The following AP3B1 variants were observed in gnomAD, a reference collection of about 807,000 sequenced individuals.
The protein encoded by AP3B1 is AP-3 complex subunit beta-1.
Under a neutral mutation model 132.5 loss-of-function variants are expected in AP3B1, and 61 were observed. That is an observed-to-expected ratio of 0.46 (90% confidence interval 0.37 to 0.57). AP3B1 has a LOEUF of 0.57. AP3B1 is among the 20% of genes least tolerant of loss of function. AP3B1 has a pLI of 0.00. For synonymous variants in AP3B1, 388 were observed against 438.3 expected (o/e 0.89, Z 1.43); for missense variants, 1,120 against 1,289.4 (o/e 0.87, Z 2.01).
At chr5:78,014,441 A>G (rs72774594) in intron 26 of AP3B1, among the ~76,000 whole-genome samples, 23,629 of 152,202 alleles carry the variant, frequency 0.16, 2,314 homozygotes, top group Admixed American at 0.26. Flanking sequence ...TGTAAAGCAC[A>G]TAAGAAGTTA....
At chr5:78,228,361 T>G (rs1273172034) in intron 3 of AP3B1, 122 bp from the exon 4 acceptor site, 1 of 652,184 alleles carries the variant, frequency 1.5e-6, no homozygotes, top group Non-Finnish European at 2.6e-6. Flanking sequence ...CATGTTAGAT[T>G]GTAAAATAAA....
chr5:78,177,357 C>T lies in AP3B1; in HGVS notation c.1022G>A (p.Arg341His), dbSNP rs141832130. 751 of 1,613,062 alleles carry T rather than the reference C, an allele frequency of 4.7e-4. 3 individuals carry two copies. Among genetic ancestry groups the T allele is most frequent in the Non-Finnish European group, 5.9e-4 (691 of 1,179,210 alleles). ...EAGIISKSLV[R>H]LLRSNREVQY... ...GACCTACCTATTGCTACGAAGTAAA[C>T]GCACTAGTGATTTAGAAATTATGCC... Residue 341 changes from arginine to histidine, a missense_variant, in exon 9 of 27, where the codon CGT becomes CAT. Around this residue, in one of 3 missense-constraint regions of AP3B1, gnomAD observed 906 missense variants for 997.1 expected, o/e 0.91. Coordinates refer to ENST00000255194, the MANE Select transcript of AP3B1 (RefSeq NM_003664.5).
intron 15 of AP3B1, among the ~76,000 whole-genome samples, chr5:78,136,125 T>C (rs1209606974): frequency 6.6e-6 from 1 of 152,184 alleles, no homozygotes; most frequent in African/African-American, 2.4e-5. Flanking sequence ...TTTTTGTCAG[T>C]AACTAGACTA....
At chr5:78,276,694 C>T (rs1407152265) in intron 1 of AP3B1, among the ~76,000 whole-genome samples, 1 of 151,692 alleles carries the variant, frequency 6.6e-6, no homozygotes, top group South Asian at 2.1e-4. Flanking sequence ...ACGGCAAGAC[C>T]CTTTCACCAC....
At chr5:78,064,076 T>C (rs920278578) in intron 22 of AP3B1, among the ~76,000 whole-genome samples, 1 of 149,336 alleles carries the variant, frequency 6.7e-6, no homozygotes, top group African/African-American at 2.5e-5. Context: ...ACAGTGGACA[T>C]TAAAAAAAAA....
Position 78,207,257 on chromosome 5 carries a change from C to CAA in AP3B1, c.786+8796_786+8797dup, listed in dbSNP as rs35228759. ...TGGGTGACAGAACGAGACTCAGTGT[C>CAA]AAAAAAAAAAAAAAAAAAAAATTAT... On this transcript the variant is annotated intron_variant, in intron 7 of 26. Transcript: ENST00000255194. 5.6e-3 allele frequency among the ~76,000 whole-genome samples: 645 copies of CAA among 116,068 alleles called. 8 individuals carry two copies. The highest frequency in any genetic ancestry group is 0.019 in the African/African-American group (588 of 30,224). The allele number at this position is 116,068 out of a possible 152,430, so 76.1% of individuals were successfully genotyped here.
chr5:78,103,435 G>T (rs1751207978), intron 20 of AP3B1, among the ~76,000 whole-genome samples: 1 of 152,160 alleles, frequency 6.6e-6, no homozygotes, highest in African/African-American at 2.4e-5. Context: ...AAAGGCAGAT[G>T]AAATCATATT....
intron 1 of AP3B1, among the ~76,000 whole-genome samples, chr5:78,282,148 C>T (rs933972358): frequency 1.3e-5 from 2 of 152,168 alleles, no homozygotes; most frequent in Non-Finnish European, 2.9e-5. Context: ...CTTGACACTG[C>T]TGTCACCACC....
chr5:78,101,331 G>C, intron 20 of AP3B1: 2 of 455,184 alleles, frequency 4.4e-6, no homozygotes, highest in Non-Finnish European at 8.5e-6. Flanking sequence ...AAAACGTAAA[G>C]TGGCTCTTTG....
chr5:78,152,620 A>G (rs1452533315), intron 14 of AP3B1, among the ~76,000 whole-genome samples: 2 of 152,086 alleles, frequency 1.3e-5, no homozygotes, highest in African/African-American at 4.8e-5. Flanking sequence ...GTTAAGATAC[A>G]TCATTAAGTT....
intron 7 of AP3B1, among the ~76,000 whole-genome samples, chr5:78,190,556 C>T (rs966909723): frequency 6.6e-6 from 1 of 152,176 alleles, no homozygotes; most frequent in Non-Finnish European, 1.5e-5. Context: ...TGGATACGTA[C>T]ACAGCATATG....
At chr5:78,201,997 T>C (rs1329210425) in intron 7 of AP3B1, among the ~76,000 whole-genome samples, 2 of 152,202 alleles carry the variant, frequency 1.3e-5, no homozygotes, top group African/African-American at 4.8e-5. Flanking sequence ...CATCTTCAAC[T>C]GTTAACTCCC....
At chr5:78,054,173 G>C (rs1748707838) in intron 22 of AP3B1, among the ~76,000 whole-genome samples, 1 of 152,146 alleles carries the variant, frequency 6.6e-6, no homozygotes, top group South Asian at 2.1e-4. Context: ...TTTCAGAATT[G>C]AAAGGACGAA....
chr5:78,113,534 G>A (rs1751684081), intron 19 of AP3B1, among the ~76,000 whole-genome samples: 1 of 152,120 alleles, frequency 6.6e-6, no homozygotes. Flanking sequence ...TTTTCAAAAT[G>A]TAACCCCAAG....
intron 1 of AP3B1, among the ~76,000 whole-genome samples, chr5:78,271,084 A>T (rs1444520298): frequency 6.6e-6 from 1 of 152,210 alleles, no homozygotes; most frequent in African/African-American, 2.4e-5. Context: ...AGTGAATAGA[A>T]ACAAAAAACT....
intron 3 of AP3B1, among the ~76,000 whole-genome samples, chr5:78,228,981 G>A (rs941843854): frequency 1.3e-5 from 2 of 152,156 alleles, no homozygotes; most frequent in Non-Finnish European, 2.9e-5. Flanking sequence ...CGCACAGGGT[G>A]CAGTGCAATA....
chr5:78,122,706 C>A (rs1752271676), intron 17 of AP3B1, among the ~76,000 whole-genome samples: 1 of 152,110 alleles, frequency 6.6e-6, no homozygotes, highest in Non-Finnish European at 1.5e-5. Context: ...AGGATACAAA[C>A]AAATGGAGGA....
intron 13 of AP3B1, among the ~76,000 whole-genome samples, chr5:78,158,289 T>C (rs1201020550): frequency 1.3e-5 from 2 of 151,708 alleles, no homozygotes; most frequent in Non-Finnish European, 2.9e-5. Flanking sequence ...AAACCCCAGG[T>C]CTACAAAAAA....
In AP3B1 at chr5:78,294,264, C is replaced by G. The variant is rs1749656816; in HGVS notation, c.128+188G>C. Among the ~76,000 whole-genome samples, 3 of 152,128 alleles carry G rather than the reference C, an allele frequency of 2.0e-5. No homozygotes were observed. The South Asian group carries it at 6.2e-4, about 32-fold the overall frequency. ...ACTAGAGACCCCTACACACATTCGC[C>G]CCAAACTCCCACAACTCCCACCACC... On this transcript the variant is annotated intron_variant, in intron 1 of 26. Coordinates refer to ENST00000255194, the MANE Select transcript of AP3B1 (RefSeq NM_003664.5).
Sources: allele counts gnomAD v4.1 joint callset (sites outside exome capture counted in the v4.1 genomes callset), GRCh38; gene constraint gnomAD v4.1.1; regional missense constraint gnomAD v4.1.1; transcripts MANE v1.5; gene names NCBI Gene and HGNC (gene_info 2026-07-23, HGNC 2026-07-21).